WDPCP: variants seen among roughly 807,000 people sequenced by gnomAD.
The protein encoded by WDPCP is WD repeat containing planar cell polarity effector.
In WDPCP, 71 loss-of-function variants were observed where a neutral mutation model predicts 93.1. The ratio of observed to expected loss-of-function variants is 0.76; its 90% CI spans 0.63 to 0.93. WDPCP has a LOEUF of 0.93. Among genes scored for constraint, WDPCP ranks in the 40% least tolerant of loss-of-function variants. WDPCP has a pLI of 0.00. For missense variants in WDPCP, 844 were observed against 887.4 expected, an observed-to-expected ratio of 0.95 and a Z score of 0.62; for synonymous variants, 315 against 315.0, an observed-to-expected ratio of 1.00 and a Z score of 0.00.
At chr2:63,673,076 C>T (rs1412553555) in intron 2 of WDPCP, among the ~76,000 whole-genome samples, 1 of 152,078 alleles carries the variant, frequency 6.6e-6, no homozygotes, top group African/African-American at 2.4e-5. Context: ...TTAAACTATG[C>T]ACTTCTTTAC....
chr2:63,425,469 C>T (rs768999325), intron 9 of WDPCP, among the ~76,000 whole-genome samples: 3 of 152,076 alleles, frequency 2.0e-5, no homozygotes, highest in Non-Finnish European at 2.9e-5. Context: ...CCCAATAGAA[C>T]CCAGTGAATC....
intron 9 of WDPCP, among the ~76,000 whole-genome samples, chr2:63,408,398 C>T (rs1047417077): frequency 5.9e-5 from 9 of 152,070 alleles, no homozygotes; most frequent in African/African-American, 2.2e-4. Flanking sequence ...GAGCAAAATA[C>T]AGGGGTAGTG....
intron 14 of WDPCP, among the ~76,000 whole-genome samples, chr2:63,249,464 T>C (rs1045344183): frequency 2.8e-5 from 4 of 145,378 alleles, no homozygotes; most frequent in South Asian, 4.3e-4. Context: ...GCCTGTAGCA[T>C]AGATAATCCC....
intron 2 of WDPCP, among the ~76,000 whole-genome samples, chr2:63,727,294 C>T (rs185348184): frequency 2.6e-4 from 40 of 152,216 alleles, no homozygotes; most frequent in Admixed American, 1.7e-3. Context: ...TCTGAGTCTA[C>T]TGAGATAATC....
chr2:63,691,004 A>G (rs1183914153), intron 2 of WDPCP, among the ~76,000 whole-genome samples: 1 of 152,208 alleles, frequency 6.6e-6, no homozygotes, highest in Non-Finnish European at 1.5e-5. Context: ...GCAAATGTAT[A>G]TCAGTGGGGA....
At chr2:63,204,659 T>C (rs971698319) in intron 14 of WDPCP, among the ~76,000 whole-genome samples, 12 of 152,318 alleles carry the variant, frequency 7.9e-5, no homozygotes, top group African/African-American at 2.9e-4. Flanking sequence ...TTGAGAAATG[T>C]CTATTTAAAT....
chr2:63,779,708 C>G (rs1670360855), intron 2 of WDPCP, among the ~76,000 whole-genome samples: 1 of 152,116 alleles, frequency 6.6e-6, no homozygotes, highest in African/African-American at 2.4e-5. Flanking sequence ...ATAGCAGATG[C>G]TTTCCATTCT....
At chr2:63,420,806 G>C (rs919985129) in intron 9 of WDPCP, among the ~76,000 whole-genome samples, 1 of 152,138 alleles carries the variant, frequency 6.6e-6, no homozygotes, top group Non-Finnish European at 1.5e-5. Context: ...CATAGCTCTA[G>C]TTCAGTCATT....
chr2:63,453,020 G>A (rs902258719), intron 6 of WDPCP, among the ~76,000 whole-genome samples: 2 of 152,130 alleles, frequency 1.3e-5, no homozygotes, highest in Non-Finnish European at 2.9e-5. Context: ...TACCATTCAG[G>A]ACATAGGCAT....
chr2:63,122,912 G>A (rs1417047685), intron 17 of WDPCP, among the ~76,000 whole-genome samples: 2 of 151,972 alleles, frequency 1.3e-5, no homozygotes, highest in African/African-American at 2.4e-5. Flanking sequence ...TTTTTACTAA[G>A]AAAAGCCTTT....
chr2:63,688,859 G>A (rs13405855), intron 2 of WDPCP, among the ~76,000 whole-genome samples: 42,516 of 151,982 alleles, frequency 0.28, 6,186 homozygotes, highest in Non-Finnish European at 0.3. Context: ...AGGTGATTAG[G>A]TCATGAGGTT....
At chr2:63,676,539 T>C (rs1354625592) in intron 2 of WDPCP, among the ~76,000 whole-genome samples, 5 of 151,986 alleles carry the variant, frequency 3.3e-5, no homozygotes, top group African/African-American at 9.7e-5. Context: ...AAAAAATCTC[T>C]ACAAAATTAT....
At chr2:63,122,301 T>C (rs570140775) in intron 17 of WDPCP, among the ~76,000 whole-genome samples, 2 of 152,248 alleles carry the variant, frequency 1.3e-5, no homozygotes, top group South Asian at 4.1e-4. Flanking sequence ...AAGGACAGGA[T>C]GTTAATTGAA....
intron 14 of WDPCP, among the ~76,000 whole-genome samples, chr2:63,204,368 T>A (rs1415906096): frequency 7.8e-6 from 1 of 128,384 alleles, no homozygotes; most frequent in East Asian, 2.2e-4. Context: ...TGAGACAGAG[T>A]CTCACTCTGG....
At chr2:63,573,704 A>G (rs1356599493) in intron 1 of WDPCP, among the ~76,000 whole-genome samples, 1 of 152,204 alleles carries the variant, frequency 6.6e-6, no homozygotes, top group African/African-American at 2.4e-5. Context: ...TGTTCAGGGA[A>G]CAAGAGAGAT....
At chr2:63,193,592 C>G (rs1312711317) in intron 14 of WDPCP, among the ~76,000 whole-genome samples, 1 of 152,156 alleles carries the variant, frequency 6.6e-6, no homozygotes, top group African/African-American at 2.4e-5. Flanking sequence ...TTTAAGCAAT[C>G]CTCCCTAGCT....
At chr2:63,364,762 A>G (rs2104703648) in intron 12 of WDPCP, among the ~76,000 whole-genome samples, 1 of 152,314 alleles carries the variant, frequency 6.6e-6, no homozygotes, top group African/African-American at 2.4e-5. Context: ...AAATTAACAC[A>G]ATATTACAAA....
rs1239091876 is a variant in WDPCP at position 63,597,289 on chromosome 2, T to C, written n.488+53370A>G. On this transcript the variant is annotated intron_variant and non_coding_transcript_variant, in intron 3 of 4. Transcript: ENST00000467687. ...TCCTGAAATGTATATCAGTGTGATA[T>C]GTAAACACTTGCAACAAGTGAAAGA... The C allele has an allele frequency of 4.0e-6, 5 of 1,260,912 alleles. No individual in the cohort carries two copies. In the African/African-American group the frequency reaches 6.1e-5, roughly 15 times the overall value. 78.1% of individuals were successfully genotyped at this position (1,260,912 alleles called of 1,614,324 possible). A position where few individuals can be genotyped will look rare whatever the true frequency, so the allele number is the denominator to read the frequency against.
intron 2 of WDPCP, among the ~76,000 whole-genome samples, chr2:63,770,232 C>T (rs1389168387): frequency 6.6e-6 from 1 of 151,928 alleles, no homozygotes; most frequent in Non-Finnish European, 1.5e-5. Context: ...CCACCCTGAA[C>T]GTGTCCAATC....
Sources: allele counts gnomAD v4.1 joint callset (sites outside exome capture counted in the v4.1 genomes callset), GRCh38; gene constraint gnomAD v4.1.1; transcripts MANE v1.5; gene names NCBI Gene and HGNC (gene_info 2026-07-23, HGNC 2026-07-21).